The following GRID2 variants were observed in gnomAD, a reference collection of about 807,000 sequenced individuals.
The protein encoded by GRID2 is glutamate receptor ionotropic, delta-2.
GRID2 carries 33 observed loss-of-function variants against 114.8 expected under a neutral mutation model. That is an observed-to-expected ratio of 0.29 (90% CI 0.22 to 0.38). The LOEUF (loss-of-function observed/expected upper bound fraction) is 0.38. Ranked by LOEUF, GRID2 falls within the 10% of genes least tolerant of loss-of-function variation. The pLI is 1.00. For missense variants in GRID2, 1,184 were observed against 1,257.7 expected (o/e 0.94, Z 0.89); for synonymous variants, 505 against 449.9 (o/e 1.12, Z -1.55).
chr4:93,805,563 T>G (rs1735012548), intron 1 of GRID2, among the ~76,000 whole-genome samples: 1 of 152,200 alleles, frequency 6.6e-6, no homozygotes, highest in Admixed American at 6.5e-5. Flanking sequence ...CTTCTCTAAA[T>G]CCTGTAACAT....
rs776352710 is a variant in GRID2, at chr4:93,455,862, A to G, written c.1746A>G (p.Leu582=). 40 of 1,610,226 alleles carry G rather than the reference A, an allele frequency of 2.5e-5. No individual in the cohort carries two copies. The highest frequency in any genetic ancestry group is 1.3e-4 in the South Asian group (12 of 91,012). ...CIAGTVLLVG[L]LVYLLNWLNP... ...CTGGCACAGTCCTTCTGGTGGGTCT[A>G]CTGGTCTACCTCTTGAACTGGCTTA... Residue 582 remains leucine, a synonymous_variant, in exon 11 of 16, where the codon CTA becomes CTG. Transcript: ENST00000282020.
chr4:92,594,166 A>T (rs1286128604), intron 2 of GRID2, among the ~76,000 whole-genome samples: 1 of 151,822 alleles, frequency 6.6e-6, no homozygotes, highest in Non-Finnish European at 1.5e-5. Flanking sequence ...ATACCCACCC[A>T]TGCATATATA....
intron 1 of GRID2, among the ~76,000 whole-genome samples, chr4:92,346,938 A>G (rs528333715): frequency 3.7e-4 from 56 of 152,128 alleles, no homozygotes; most frequent in Non-Finnish European, 7.4e-5. Flanking sequence ...CTGTCTCTCT[A>G]TCTATCTCAT....
intron 14 of GRID2, among the ~76,000 whole-genome samples, chr4:93,699,341 A>G (rs1727308959): frequency 6.6e-6 from 1 of 152,074 alleles, no homozygotes; most frequent in Non-Finnish European, 1.5e-5. Context: ...TTTTAAAAAT[A>G]TAAATAGCCA....
intron 13 of GRID2, among the ~76,000 whole-genome samples, chr4:93,574,679 A>C (rs898704701): frequency 6.6e-6 from 1 of 152,174 alleles, no homozygotes; most frequent in Non-Finnish European, 1.5e-5. Context: ...ACCTCCCACC[A>C]GGTCCCTCCC....
chr4:93,008,467 T>C (rs1328689617), intron 2 of GRID2, among the ~76,000 whole-genome samples: 1 of 152,156 alleles, frequency 6.6e-6, no homozygotes, highest in Non-Finnish European at 1.5e-5. Context: ...TCTTTCTTTC[T>C]GACTTTCTCT....
chr4:93,044,868 GA>G (rs1158001458), intron 2 of GRID2, among the ~76,000 whole-genome samples: 1 of 152,090 alleles, frequency 6.6e-6, no homozygotes, highest in Non-Finnish European at 1.5e-5. Context: ...ATATCCTAAA[GA>G]TTCACATTGG....
At chr4:93,704,442 A>G (rs2110148838) in intron 14 of GRID2, among the ~76,000 whole-genome samples, 1 of 152,204 alleles carries the variant, frequency 6.6e-6, no homozygotes, top group East Asian at 1.9e-4. Context: ...CCCATTCTGT[A>G]GGTTGCCTGT....
chr4:93,235,760 C>G (rs949598669), intron 7 of GRID2, among the ~76,000 whole-genome samples: 3 of 151,898 alleles, frequency 2.0e-5, no homozygotes, highest in African/African-American at 7.3e-5. Context: ...AATGCAAGTC[C>G]CCCAATTTAT....
At chr4:92,826,284 G>A (rs1741692020) in intron 2 of GRID2, among the ~76,000 whole-genome samples, 1 of 151,984 alleles carries the variant, frequency 6.6e-6, no homozygotes, top group Non-Finnish European at 1.5e-5. Flanking sequence ...TTCCCTGATA[G>A]CTTCATGGAT....
intron 1 of GRID2, among the ~76,000 whole-genome samples, chr4:92,318,872 A>G (rs1367768296): frequency 6.6e-6 from 1 of 152,062 alleles, no homozygotes; most frequent in East Asian, 1.9e-4. Flanking sequence ...GCCTTTCGCT[A>G]CCATTTAGAA....
At chr4:92,435,853 GA>G (rs1732711717) in intron 1 of GRID2, among the ~76,000 whole-genome samples, 1 of 152,134 alleles carries the variant, frequency 6.6e-6, no homozygotes, top group Non-Finnish European at 1.5e-5. Context: ...TATTTGTCAG[GA>G]ATATTGCATA....
At chr4:93,495,831 T>C (rs927904156) in intron 12 of GRID2, among the ~76,000 whole-genome samples, 1 of 151,782 alleles carries the variant, frequency 6.6e-6, no homozygotes, top group Non-Finnish European at 1.5e-5. Context: ...TATTTACTTA[T>C]GTAGTGGATG....
intron 2 of GRID2, among the ~76,000 whole-genome samples, chr4:92,928,674 A>G (rs964110847): frequency 1.5e-4 from 23 of 151,598 alleles, no homozygotes; most frequent in African/African-American, 5.6e-4. Context: ...ATTTCGCTTT[A>G]GTACATAGGT....
intron 2 of GRID2, among the ~76,000 whole-genome samples, chr4:93,023,572 GAAAT>G (rs1723600627): frequency 6.6e-6 from 1 of 151,846 alleles, no homozygotes; most frequent in African/African-American, 2.4e-5. Flanking sequence ...TTTTAAAAGA[GAAAT>G]AAGCAATACC....
At chr4:92,527,655 A>G (rs920424590) in intron 1 of GRID2, among the ~76,000 whole-genome samples, 3 of 152,086 alleles carry the variant, frequency 2.0e-5, no homozygotes, top group African/African-American at 7.2e-5. Flanking sequence ...GTAATAAGAC[A>G]GAAAAAATTC....
intron 2 of GRID2, among the ~76,000 whole-genome samples, chr4:92,925,072 A>C (rs1279063737): frequency 6.6e-6 from 1 of 152,078 alleles, no homozygotes; most frequent in African/African-American, 2.4e-5. Flanking sequence ...ATAAAATAAC[A>C]CGTGGTGTCT....
chr4:92,800,741 C>T (rs1023573524), intron 2 of GRID2, among the ~76,000 whole-genome samples: 9 of 151,924 alleles, frequency 5.9e-5, no homozygotes, highest in Admixed American at 2.6e-4. Flanking sequence ...TCATCTGATT[C>T]TGGTATTTTA....
chr4:92,854,975 A>G (rs1013815984), intron 2 of GRID2, among the ~76,000 whole-genome samples: 1 of 152,064 alleles, frequency 6.6e-6, no homozygotes, highest in African/African-American at 2.4e-5. Flanking sequence ...AAGGATAAAA[A>G]TTCAAATATA....
Sources: allele counts gnomAD v4.1 joint callset (sites outside exome capture counted in the v4.1 genomes callset), GRCh38; gene constraint gnomAD v4.1.1; transcripts MANE v1.5; gene names NCBI Gene and HGNC (gene_info 2026-07-23, HGNC 2026-07-21).